IQSEC3: variants seen among roughly 807,000 people sequenced by gnomAD.
IQSEC3 encodes the protein IQ motif and Sec7 domain ArfGEF 3.
In IQSEC3, 50 loss-of-function variants were observed where a neutral mutation model predicts 105.4. The ratio of observed to expected loss-of-function variants is 0.47; its 90% CI spans 0.38 to 0.60. The LOEUF (loss-of-function observed/expected upper bound fraction) is 0.60, where lower values mean the gene tolerates loss of function less well. Among genes scored for constraint, IQSEC3 ranks in the 20% least tolerant of loss-of-function variants. IQSEC3 has a pLI of 0.00. For missense variants in IQSEC3, 1,415 were observed against 1,630.0 expected, an observed-to-expected ratio of 0.87 and a Z score of 2.27; for synonymous variants, 708 against 746.0, an observed-to-expected ratio of 0.95 and a Z score of 0.83.
At chr12:148,254 A>G (rs1376997695) in intron 5 of IQSEC3, 1 of 152,190 alleles carries the variant, frequency 6.6e-6, no homozygotes, top group African/African-American at 2.4e-5. Flanking sequence ...GAAGCTTGTT[A>G]GCAATGCAAA....
intron 2 of IQSEC3, among the ~76,000 whole-genome samples, chr12:104,608 T>C (rs1392400051): frequency 6.6e-6 from 1 of 152,144 alleles, no homozygotes; most frequent in Non-Finnish European, 1.5e-5. Flanking sequence ...CGAGGCGTAC[T>C]GCGCCCCCTT....
At position 139,125 on chromosome 12, in the gene IQSEC3, G is replaced by A. The variant is rs1023938385; in HGVS notation, c.1762G>A (p.Glu588Lys). The A allele has an allele frequency of 9.9e-6, 15 of 1,517,344 alleles. No individual in the cohort carries two copies. The highest frequency in any genetic ancestry group is 2.1e-5 in the Admixed American group (1 of 48,474). The allele number at this position is 1,517,344 out of a possible 1,614,324, so 94.0% of individuals were successfully genotyped here. A position where few individuals can be genotyped will look rare whatever the true frequency, so the allele number is the denominator to read the frequency against. Residue 588 changes from glutamate to lysine, a missense_variant, in exon 4 of 14, where the codon GAG becomes AAG. Coordinates refer to ENST00000538872, the MANE Select transcript of IQSEC3 (RefSeq NM_001170738.2). ...EETAEVGRGA[E>K]AEAGDLEQLS... ...GACGGCGGAGGTGGGGAGAGGGGCC[G>A]AGGCCGAGGCAGGCGACTTGGAGCA... is the stretch of plus-strand genomic sequence containing the variant.
Position 175,272 on chromosome 12 carries a change from G to C in IQSEC3, c.*239G>C, listed in dbSNP as rs1939204613. The C allele has an allele frequency of 2.2e-6, 1 of 461,424 alleles. No homozygotes were observed. Among genetic ancestry groups the C allele is most frequent in the Non-Finnish European group, 3.8e-6 (1 of 263,236 alleles). The allele number at this position is 461,424 out of a possible 1,614,324, so 28.6% of individuals were successfully genotyped here. ...CCTCACTCTCCCAGGGCCCTACACA[G>C]CCAGACCCGGCGAGGCCTCCTCTTC... On this transcript the variant is annotated 3_prime_UTR_variant, in exon 14 of 14. Coordinates refer to ENST00000538872, the MANE Select transcript of IQSEC3 (RefSeq NM_001170738.2).
chr12:71,679 T>TAAG (rs1555067588), intron 1 of IQSEC3, among the ~76,000 whole-genome samples: 1 of 152,294 alleles, frequency 6.6e-6, no homozygotes, highest in African/African-American at 2.4e-5. Context: ...CTGCTCATCC[T>TAAG]AAGTCCCTAC....
intron 12 of IQSEC3, among the ~76,000 whole-genome samples, chr12:169,590 G>T (rs2137066819): frequency 6.6e-6 from 1 of 152,276 alleles, no homozygotes; most frequent in South Asian, 2.1e-4. Flanking sequence ...CCTGGCTCAG[G>T]TCAGCCCACC....
At chr12:106,087 T>C (rs553891391) in intron 2 of IQSEC3, among the ~76,000 whole-genome samples, 8 of 152,364 alleles carry the variant, frequency 5.3e-5, no homozygotes, top group African/African-American at 1.9e-4. Context: ...ATGTCCTGAG[T>C]GCTTGCTATG....
chr12:154,950 AC>A (rs10716264), intron 5 of IQSEC3, among the ~76,000 whole-genome samples: 30,572 of 151,108 alleles, frequency 0.2, 4,422 homozygotes, highest in African/African-American at 0.4. Context: ...ACACGCTCTG[AC>A]CCCCTTGCTG....
At chr12:151,825 C>T (rs1466422913) in intron 5 of IQSEC3, among the ~76,000 whole-genome samples, 2 of 152,124 alleles carry the variant, frequency 1.3e-5, no homozygotes, top group African/African-American at 2.4e-5. Context: ...ATGCTTCCTC[C>T]CTTAGCCCAC....
At chr12:104,560 A>T (rs562149722) in intron 2 of IQSEC3, among the ~76,000 whole-genome samples, 12 of 75,952 alleles carry the variant, frequency 1.6e-4, no homozygotes, top group African/African-American at 2.3e-4. Flanking sequence ...CGCCCATTTT[A>T]AAAAAAAAAG....
Position 125,803 on chromosome 12 carries a change from A to G in IQSEC3, c.794A>G (p.Gln265Arg), listed in dbSNP as rs1865373770. ...GCTGCCTCCCCAAGGGCTGGCCCCCAGCACAAGGCCTCCCCCGGCCGGCAG... is the reference window on the plus strand; with the variant it reads ...GCTGCCTCCCCAAGGGCTGGCCCCCGGCACAAGGCCTCCCCCGGCCGGCAG... ...AGAASPRAGP[Q>R]HKASPGRQQP... The change falls in exon 3 of 14, where the codon CAG becomes CGG. Residue 265 changes from glutamine (Q) to arginine (R), a missense_variant. By Grantham distance (43) the Gln-to-Arg change is conservative. Around this residue, in one of 6 missense-constraint regions of IQSEC3, gnomAD observed 720 missense variants for 633.0 expected, o/e 1.14. Transcript: ENST00000538872. The G allele has an allele frequency of 2.0e-6, 3 of 1,525,058 alleles. No individual in the cohort carries two copies. Among genetic ancestry groups the G allele is most frequent in the African/African-American group, 1.4e-5 (1 of 72,318 alleles). 94.5% of individuals were successfully genotyped at this position (1,525,058 alleles called of 1,614,324 possible).
intron 3 of IQSEC3, among the ~76,000 whole-genome samples, chr12:128,498 G>T (rs907930334): frequency 7.9e-5 from 12 of 152,034 alleles, no homozygotes; most frequent in African/African-American, 2.9e-4. Context: ...ACTGAATCCC[G>T]TGTTCCATGG....
intron 1 of IQSEC3, among the ~76,000 whole-genome samples, chr12:90,743 C>A (rs1864057362): frequency 6.6e-6 from 1 of 152,180 alleles, no homozygotes; most frequent in African/African-American, 2.4e-5. Flanking sequence ...GTCTTGAAAC[C>A]ATCCAGTGAA....
chr12:98,860 G>A (rs1435409728), intron 1 of IQSEC3, among the ~76,000 whole-genome samples: 5 of 152,226 alleles, frequency 3.3e-5, no homozygotes, highest in Non-Finnish European at 7.3e-5. Context: ...TGCGGGGAGG[G>A]CGTGCAGAAG....
At position 157,537 on chromosome 12, in the gene IQSEC3, C is replaced by T. The variant is rs1555094783; in HGVS notation, c.2286C>T (p.Tyr762=). 3.1e-6 allele frequency: 5 copies of T among 1,613,344 alleles called. No individual in the cohort carries two copies. Among genetic ancestry groups the T allele is most frequent in the Admixed American group, 1.7e-5 (1 of 59,968 alleles). ...ERLIEAFSQR[Y]CMCNPEVVQQ... ...TCTGACCCCCCCACAGCCAGCGCTA[C>T]TGCATGTGCAACCCCGAAGTGGTTC... Residue 762 remains tyrosine (Y), a synonymous_variant, in exon 7 of 14, where the codon TAC becomes TAT. Coordinates refer to ENST00000538872, the MANE Select transcript of IQSEC3 (RefSeq NM_001170738.2).
intron 1 of IQSEC3, among the ~76,000 whole-genome samples, chr12:85,286 G>C (rs1863881343): frequency 6.6e-6 from 1 of 152,260 alleles, no homozygotes; most frequent in African/African-American, 2.4e-5. Context: ...GAGCCTGGCA[G>C]AGGCCCAATG....
chr12:80,715 A>G (rs1863715482), intron 1 of IQSEC3, among the ~76,000 whole-genome samples: 1 of 152,240 alleles, frequency 6.6e-6, no homozygotes, highest in Non-Finnish European at 1.5e-5. Flanking sequence ...ATGAAAACTT[A>G]TAGTGCATCT....
At chr12:84,075 C>T (rs1863839837) in intron 1 of IQSEC3, among the ~76,000 whole-genome samples, 1 of 152,226 alleles carries the variant, frequency 6.6e-6, no homozygotes, top group African/African-American at 2.4e-5. Flanking sequence ...GCATAGCTGT[C>T]CTCACTGTAA....
intron 1 of IQSEC3, among the ~76,000 whole-genome samples, chr12:93,024 G>A (rs1196822790): frequency 6.6e-6 from 1 of 152,238 alleles, no homozygotes; most frequent in Non-Finnish European, 1.5e-5. Flanking sequence ...GTACTTTTGT[G>A]TGGCCTTTGC....
chr12:174,895 C>T lies in IQSEC3; in HGVS notation c.3411C>T (p.Pro1137=), dbSNP rs757667281. 8.3e-6 allele frequency: 13 copies of T among 1,561,934 alleles called. No individual in the cohort carries two copies. Among genetic ancestry groups the T allele is most frequent in the Middle Eastern group, 1.7e-4 (1 of 5,966 alleles). ...DSCGSTPLGG[P]GSPVKVTHQP... ...GCGGCTCCACACCCCTGGGCGGTCCCGGCTCTCCGGTCAAGGTCACCCACC... is the reference window on the plus strand; with the variant it reads ...GCGGCTCCACACCCCTGGGCGGTCCTGGCTCTCCGGTCAAGGTCACCCACC... Residue 1137 remains proline, a synonymous_variant, in exon 14 of 14, where the codon CCC becomes CCT. Coordinates refer to ENST00000538872, the MANE Select transcript of IQSEC3 (RefSeq NM_001170738.2).
Sources: allele counts gnomAD v4.1 joint callset (sites outside exome capture counted in the v4.1 genomes callset), GRCh38; gene constraint gnomAD v4.1.1; regional missense constraint gnomAD v4.1.1; transcripts MANE v1.5; gene names NCBI Gene and HGNC (gene_info 2026-07-23, HGNC 2026-07-21).